SLCO6A1: variants seen among roughly 807,000 people sequenced by gnomAD.
The protein encoded by SLCO6A1 is cancer/testis antigen 48.
A neutral mutation model predicts 72.7 loss-of-function variants in SLCO6A1; 65 were observed. That is an observed-to-expected ratio of 0.89 (90% CI 0.73 to 1.10). The LOEUF is 1.10. Among genes scored for constraint, SLCO6A1 ranks in the 50% least tolerant of loss-of-function variants. The pLI, the probability that SLCO6A1 is intolerant of heterozygous loss-of-function variation, is 0.00. For missense variants in SLCO6A1, 874 were observed against 872.6 expected (o/e 1.00, Z -0.02); for synonymous variants, 314 against 298.2 (o/e 1.05, Z -0.55).
At chr5:102,461,602 AAGG>A (rs142844848) in intron 4 of SLCO6A1, among the ~76,000 whole-genome samples, 8,856 of 152,164 alleles carry the variant, frequency 0.058, 850 homozygotes, top group African/African-American at 0.2. Flanking sequence ...ATGAGACAAG[AAGG>A]AAATCTATGG....
intron 4 of SLCO6A1, among the ~76,000 whole-genome samples, chr5:102,466,280 G>A (rs184460021): frequency 5.4e-4 from 82 of 152,056 alleles, no homozygotes; most frequent in African/African-American, 1.9e-3. Context: ...TACGGTATTT[G>A]GTTTTCTATT....
At chr5:102,394,244 C>T (rs1545486) in intron 10 of SLCO6A1, among the ~76,000 whole-genome samples, 97,177 of 152,042 alleles carry the variant, frequency 0.64, 31,254 homozygotes, top group African/African-American at 0.66. Flanking sequence ...CTATCCCATT[C>T]CCTTGCCTTT....
In SLCO6A1 at chr5:102,395,022, T is replaced by A. The variant is rs562220670; in HGVS notation, c.1815-3977A>T. Among the ~76,000 whole-genome samples, 86 of 152,282 alleles carry A rather than the reference T, an allele frequency of 5.6e-4. 1 individual carries two copies. The highest frequency in any genetic ancestry group is 1.9e-3 in the African/African-American group (77 of 41,586). ...TTGTTTATAAGTCACTACTTTTTTT[T>A]AATTATTGAGACTTAAAAAAATTTG... On this transcript the variant is annotated intron_variant, in intron 10 of 13. Transcript: ENST00000506729.
At chr5:102,410,938 G>GA (rs1257332051) in intron 9 of SLCO6A1, among the ~76,000 whole-genome samples, 2 of 152,070 alleles carry the variant, frequency 1.3e-5, no homozygotes, top group African/African-American at 4.8e-5. Flanking sequence ...AGCAGAAAGA[G>GA]AAACAGCAAA....
chr5:102,465,684 G>A (rs536658937), intron 4 of SLCO6A1, among the ~76,000 whole-genome samples: 3 of 152,180 alleles, frequency 2.0e-5, no homozygotes, highest in Middle Eastern at 6.8e-3. Flanking sequence ...GTAGTGACAA[G>A]GTCTGAGTTT....
chr5:102,498,757 C>T lies in SLCO6A1; in HGVS notation c.88G>A (p.Ala30Thr). ...EPLEAARAQP[A>T]KDRRAKGTPK... ...GTTCCCTTGGCCCTCCTGTCCTTAG[C>T]AGGCTGGGCCCGCGCGGCCTCCAGC... is the stretch of plus-strand genomic sequence containing the variant. The change falls in exon 1 of 14, where the codon GCT (alanine) becomes ACT (threonine). Residue 30 changes from alanine (A) to threonine (T), a missense_variant. Physicochemically the swap from Ala to Thr is moderately conservative, Grantham distance 58. Coordinates refer to ENST00000506729, the MANE Select transcript of SLCO6A1 (RefSeq NM_173488.5). The T allele has an allele frequency of 6.2e-7, 1 of 1,614,166 alleles. No individual in the cohort carries two copies. The highest frequency in any genetic ancestry group is 8.5e-7 in the Non-Finnish European group (1 of 1,180,026).
intron 4 of SLCO6A1, among the ~76,000 whole-genome samples, chr5:102,462,732 A>T (rs1282110062): frequency 6.6e-6 from 1 of 152,174 alleles, no homozygotes; most frequent in Non-Finnish European, 1.5e-5. Context: ...TACAAAAATC[A>T]ACTCAAGTCT....
intron 9 of SLCO6A1, among the ~76,000 whole-genome samples, chr5:102,405,550 A>G (rs1029959672): frequency 2.6e-5 from 4 of 152,068 alleles, no homozygotes; most frequent in African/African-American, 9.7e-5. Context: ...AAAGAAAATA[A>G]TGATCACCCC....
chr5:102,431,593 A>G (rs1175627714), intron 7 of SLCO6A1, among the ~76,000 whole-genome samples: 1 of 152,146 alleles, frequency 6.6e-6, no homozygotes, highest in East Asian at 1.9e-4. Flanking sequence ...GGGGTCCAAG[A>G]GAGTGGTTGG....
intron 12 of SLCO6A1, among the ~76,000 whole-genome samples, chr5:102,380,178 T>C (rs140260639): frequency 8.7e-4 from 133 of 152,118 alleles, no homozygotes; most frequent in African/African-American, 3.0e-3. Flanking sequence ...CATATATTTA[T>C]ATGTGCTCTT....
At chr5:102,493,375 A>T (rs564590052) in intron 1 of SLCO6A1, among the ~76,000 whole-genome samples, 1 of 152,228 alleles carries the variant, frequency 6.6e-6, no homozygotes, top group Non-Finnish European at 1.5e-5. Context: ...AATATATCAT[A>T]TTAATACAAC....
chr5:102,450,702 TA>T (rs1750368998), intron 6 of SLCO6A1, among the ~76,000 whole-genome samples: 1 of 152,172 alleles, frequency 6.6e-6, no homozygotes, highest in Non-Finnish European at 1.5e-5. Context: ...GGCCTTTCAC[TA>T]ATCTCTTGGG....
intron 7 of SLCO6A1, among the ~76,000 whole-genome samples, chr5:102,428,878 C>A (rs1488425024): frequency 6.6e-6 from 1 of 152,156 alleles, no homozygotes; most frequent in African/African-American, 2.4e-5. Context: ...CACCACACTG[C>A]TTTCCACAAT....
intron 12 of SLCO6A1, among the ~76,000 whole-genome samples, chr5:102,384,248 C>T (rs1161048575): frequency 2.0e-5 from 3 of 151,054 alleles, no homozygotes; most frequent in Non-Finnish European, 3.0e-5. Context: ...CTTTTGTTTC[C>T]CTTGCCCCTT....
At chr5:102,414,401 A>AG (rs943978011) in intron 8 of SLCO6A1, among the ~76,000 whole-genome samples, 2 of 152,210 alleles carry the variant, frequency 1.3e-5, no homozygotes, top group African/African-American at 4.8e-5. Flanking sequence ...GGAAAGAGAA[A>AG]GAGAATAAAA....
chr5:102,480,946 A>ACAATAT (rs146697354), intron 1 of SLCO6A1, among the ~76,000 whole-genome samples: 3,534 of 152,220 alleles, frequency 0.023, 94 homozygotes, highest in African/African-American at 0.068. Context: ...ATGTCCTTAG[A>ACAATAT]CAATATCAAG....
chr5:102,428,867 T>C (rs1242751415), intron 7 of SLCO6A1, among the ~76,000 whole-genome samples: 2 of 152,212 alleles, frequency 1.3e-5, no homozygotes, highest in Admixed American at 1.3e-4. Context: ...CTTTGAGGAA[T>C]CACCACACTG....
chr5:102,434,517 T>C (rs1376758433), intron 7 of SLCO6A1, among the ~76,000 whole-genome samples: 1 of 152,222 alleles, frequency 6.6e-6, no homozygotes, highest in Non-Finnish European at 1.5e-5. Flanking sequence ...ATAAACTTTA[T>C]TTCATCTCTG....
At chr5:102,466,101 T>C (rs1751296445) in intron 4 of SLCO6A1, among the ~76,000 whole-genome samples, 1 of 152,126 alleles carries the variant, frequency 6.6e-6, no homozygotes, top group African/African-American at 2.4e-5. Context: ...GTCAGGGGTT[T>C]GTTTTACAGA....
Sources: gnomAD v4.1 joint callset for allele counts (sites outside exome capture counted in the v4.1 genomes callset) on GRCh38, gnomAD v4.1.1 for gene constraint, MANE v1.5 for transcripts, NCBI Gene and HGNC (gene_info 2026-07-23, HGNC 2026-07-21) for gene names.